Variants in MAPRE2 observed in about 807,000 individuals in gnomAD.
MAPRE2 encodes microtubule associated protein RP/EB family member 2, also known as microtubule-associated protein RP/EB family member 2.
Under a neutral mutation model 43.2 loss-of-function variants are expected in MAPRE2, and 13 were observed. The ratio of observed to expected loss-of-function variants is 0.30; its 90% CI spans 0.20 to 0.48. MAPRE2 has a LOEUF of 0.48. MAPRE2 is among the 20% of genes least tolerant of loss of function. The pLI is 0.99. For synonymous variants in MAPRE2, 135 were observed against 148.8 expected, an observed-to-expected ratio of 0.91 and a Z score of 0.68; for missense variants, 161 against 400.2, an observed-to-expected ratio of 0.40 and a Z score of 5.10.
chr18:35,033,308 A>AAC (rs2097048731), intron 2 of MAPRE2, among the ~76,000 whole-genome samples: 1 of 152,172 alleles, frequency 6.6e-6, no homozygotes, highest in Non-Finnish European at 1.5e-5. Flanking sequence ...GACAAAATTC[A>AAC]ACAACCTTCA....
rs368275897 is a variant in MAPRE2, at chr18:34,996,299, C to T, written c.-69-9193C>T. ...TAGGGTGGAGGATGAGGGATGGTTT[C>T]GGGATGAAACTGTTCCACCTCAGAT... On this transcript the variant is annotated intron_variant, in intron 1 of 7. Coordinates refer to the MAPRE2 transcript ENST00000413393. Among the ~76,000 whole-genome samples, 25 of 152,180 alleles carry T rather than the reference C, an allele frequency of 1.6e-4. No individual in the cohort carries two copies. In the East Asian group the frequency reaches 3.1e-3, roughly 19 times the overall value.
chr18:35,023,439 G>T (rs1433260158), intron 2 of MAPRE2, among the ~76,000 whole-genome samples: 36 of 151,802 alleles, frequency 2.4e-4, no homozygotes, highest in Non-Finnish European at 1.0e-4. Context: ...ATGAACCCAG[G>T]GGTCAGAGCT....
chr18:35,073,938 A>AT (rs1202051617), intron 2 of MAPRE2, among the ~76,000 whole-genome samples: 1 of 152,204 alleles, frequency 6.6e-6, no homozygotes, highest in Admixed American at 6.5e-5. Context: ...ATCTCCTGTT[A>AT]TTTTATCCCA....
chr18:35,048,505 ATG>A (rs777517695), intron 1 of MAPRE2, among the ~76,000 whole-genome samples: 3 of 150,854 alleles, frequency 2.0e-5, no homozygotes, highest in Non-Finnish European at 3.0e-5. Flanking sequence ...ATAATTATAT[ATG>A]TGTTACATAT....
At chr18:35,114,176 A>G (rs924212996) in intron 4 of MAPRE2, among the ~76,000 whole-genome samples, 1 of 152,096 alleles carries the variant, frequency 6.6e-6, no homozygotes, top group African/African-American at 2.4e-5. Flanking sequence ...CGTCTCTCAT[A>G]TGTCATGGAT....
intron 2 of MAPRE2, among the ~76,000 whole-genome samples, chr18:35,013,447 A>G (rs2097036090): frequency 6.6e-6 from 1 of 152,222 alleles, no homozygotes; most frequent in South Asian, 2.1e-4. Context: ...ATGTTTTGAT[A>G]TGTATAATGT....
At chr18:35,071,492 C>A (rs1403430882) in intron 2 of MAPRE2, among the ~76,000 whole-genome samples, 2 of 152,188 alleles carry the variant, frequency 1.3e-5, no homozygotes, top group Non-Finnish European at 1.5e-5. Flanking sequence ...ATGTTTCCTT[C>A]CAGTAAACAA....
At chr18:35,095,192 C>G (rs759489439) in intron 2 of MAPRE2, among the ~76,000 whole-genome samples, 9 of 151,404 alleles carry the variant, frequency 5.9e-5, no homozygotes, top group Admixed American at 1.3e-4. Context: ...ATTCTTGGTT[C>G]GAGAAAGTTG....
chr18:35,072,809 A>G (rs1024698575), intron 2 of MAPRE2, among the ~76,000 whole-genome samples: 1 of 152,210 alleles, frequency 6.6e-6, no homozygotes, highest in African/African-American at 2.4e-5. Context: ...AATTTTGATC[A>G]CTATCAAACA....
At position 35,089,977 on chromosome 18, in the gene MAPRE2, A is replaced by G. The variant is rs560070162; in HGVS notation, c.251-7469A>G. ...AAGAAAAAAAATGAAGTTCTGATACATGGAACAACATGGATAAACCTTGAG... is the reference window on the plus strand; with the variant it reads ...AAGAAAAAAAATGAAGTTCTGATACGTGGAACAACATGGATAAACCTTGAG... On this transcript the variant is annotated intron_variant, in intron 2 of 6. Transcript: ENST00000300249. Among the ~76,000 whole-genome samples the G allele has an allele frequency of 4.3e-4, 66 of 152,362 alleles. 1 individual carries two copies. The South Asian group carries it at 0.013, about 31-fold the overall frequency.
chr18:35,054,420 C>T (rs1906109559), intron 1 of MAPRE2, among the ~76,000 whole-genome samples: 1 of 152,208 alleles, frequency 6.6e-6, no homozygotes, highest in African/African-American at 2.4e-5. Flanking sequence ...TTCGTGGGTG[C>T]CACTTATTTC....
Position 35,008,896 on chromosome 18 carries a change from A to G in MAPRE2, c.-8+3343A>G, listed in dbSNP as rs147473401. 1.9e-3 allele frequency among the ~76,000 whole-genome samples: 290 copies of G among 152,296 alleles called. 2 individuals are homozygous for G. The highest frequency in any genetic ancestry group is 3.3e-3 in the Non-Finnish European group (223 of 68,020). The stretch of plus-strand genomic sequence containing the variant: ...TTTCAGAAAGCATTTAATTTATTCA[A>G]TAGTATTTACTGAATGATTACTAAC... On this transcript the variant is annotated intron_variant, in intron 2 of 7. Coordinates refer to the MAPRE2 transcript ENST00000413393.
intron 1 of MAPRE2, among the ~76,000 whole-genome samples, chr18:34,998,089 AT>A (rs1270095718): frequency 6.6e-6 from 1 of 151,842 alleles, no homozygotes; most frequent in Non-Finnish European, 1.5e-5. Flanking sequence ...TTTAGCATGA[AT>A]TTTTTTTCTA....
rs377677945 is a variant in MAPRE2, at chr18:34,984,952, A to T, written c.-70+7873A>T. 2.5e-3 allele frequency among the ~76,000 whole-genome samples: 17 copies of T among 6,858 alleles called. No individual in the cohort carries two copies. The East Asian group carries it at 0.049, about 20-fold the overall frequency. The allele number at this position is 6,858 out of a possible 152,430, so 4.5% of individuals were successfully genotyped here. On this transcript the variant is annotated intron_variant, in intron 1 of 7. Coordinates refer to the MAPRE2 transcript ENST00000413393. ...TTATGTTATATAATATATAAAATAT[A>T]TTATATATAAAATATATAATATATA... is the stretch of plus-strand genomic sequence containing the variant.
At chr18:34,984,815 T>A (rs1312244618) in intron 1 of MAPRE2, among the ~76,000 whole-genome samples, 1 of 4,286 alleles carries the variant, frequency 2.3e-4, no homozygotes, top group African/African-American at 3.3e-4. Context: ...TATATAATAC[T>A]AAAAATATAA....
intron 4 of MAPRE2, among the ~76,000 whole-genome samples, chr18:35,121,743 G>T (rs1909681813): frequency 6.6e-6 from 1 of 152,174 alleles, no homozygotes; most frequent in Non-Finnish European, 1.5e-5. Context: ...CCTGGTAAAG[G>T]TACAGAAGTC....
intron 4 of MAPRE2, among the ~76,000 whole-genome samples, chr18:35,105,539 C>G (rs1050345525): frequency 1.3e-5 from 2 of 151,940 alleles, no homozygotes; most frequent in Non-Finnish European, 2.9e-5. Flanking sequence ...GGGAATACAG[C>G]CAAGATAATA....
At chr18:34,979,855 C>G (rs1036840067) in intron 1 of MAPRE2, among the ~76,000 whole-genome samples, 2 of 152,084 alleles carry the variant, frequency 1.3e-5, no homozygotes, top group Non-Finnish European at 2.9e-5. Flanking sequence ...ATCTCTGGTT[C>G]TCTGTATCTT....
intron 2 of MAPRE2, among the ~76,000 whole-genome samples, chr18:35,021,252 T>C (rs73949048): frequency 6.6e-6 from 1 of 152,158 alleles, no homozygotes; most frequent in African/African-American, 2.4e-5. Context: ...GCAAGTATAT[T>C]CTAGAAAAAT....
Sources: allele counts gnomAD v4.1 joint callset (sites outside exome capture counted in the v4.1 genomes callset), GRCh38; gene constraint gnomAD v4.1.1; transcripts MANE v1.5; gene names NCBI Gene and HGNC (gene_info 2026-07-23, HGNC 2026-07-21).